DRD2: variants seen among roughly 807,000 people sequenced by gnomAD.
DRD2 encodes dopamine receptor D2.
DRD2 carries 8 observed loss-of-function variants against 38.0 expected under a neutral mutation model. The ratio of observed to expected loss-of-function variants is 0.21; its 90% CI spans 0.12 to 0.38. The LOEUF (loss-of-function observed/expected upper bound fraction) is 0.38, where lower values mean the gene tolerates loss of function less well. Among genes scored for constraint, DRD2 ranks in the 10% least tolerant of loss-of-function variants. The pLI, the probability that DRD2 is intolerant of heterozygous loss-of-function variation, is 1.00. For synonymous variants in DRD2, 230 were observed against 238.6 expected (o/e 0.96, Z 0.33); for missense variants, 403 against 607.7 (o/e 0.66, Z 3.54).
chr11:113,435,336 G>T (rs947629402), intron 1 of DRD2, among the ~76,000 whole-genome samples: 19 of 152,122 alleles, frequency 1.2e-4, no homozygotes, highest in Admixed American at 6.5e-4. Context: ...AGTGTGGGGG[G>T]GGGTGGGGGA....
At chr11:113,433,686 A>G (rs1951010281) in intron 1 of DRD2, among the ~76,000 whole-genome samples, 1 of 152,172 alleles carries the variant, frequency 6.6e-6, no homozygotes, top group Non-Finnish European at 1.5e-5. Flanking sequence ...AACAGCCTGG[A>G]TGAATCTCTC....
chr11:113,468,745 A>G (rs1278655639), intron 1 of DRD2, among the ~76,000 whole-genome samples: 1 of 152,070 alleles, frequency 6.6e-6, no homozygotes, highest in Non-Finnish European at 1.5e-5. Context: ...ATGGGGTTTC[A>G]CTGTGTTGCC....
At chr11:113,462,610 A>T (rs1422905287) in intron 1 of DRD2, among the ~76,000 whole-genome samples, 1 of 152,212 alleles carries the variant, frequency 6.6e-6, no homozygotes, top group Non-Finnish European at 1.5e-5. Flanking sequence ...ATGGCCATGC[A>T]GGAACAGGTA....
rs184122508 is a variant in DRD2 at position 113,414,128 on chromosome 11, T to C, written c.810+247A>G. ...GTTTGAGAAATGTGAATAGCCATTATTATCATTTTTATTACGTTGGTATGG... is the reference window on the plus strand; with the variant it reads ...GTTTGAGAAATGTGAATAGCCATTACTATCATTTTTATTACGTTGGTATGG... On this transcript the variant is annotated intron_variant, in intron 6 of 7. Coordinates refer to ENST00000362072, the MANE Select transcript of DRD2 (RefSeq NM_000795.4). 1.4e-5 allele frequency: 8 copies of C among 559,058 alleles called. No homozygotes were observed. The East Asian group carries it at 2.5e-4, about 17-fold the overall frequency. The allele number at this position is 559,058 out of a possible 1,614,324, so 34.6% of individuals were successfully genotyped here.
At chr11:113,468,737 G>A (rs1320006061) in intron 1 of DRD2, among the ~76,000 whole-genome samples, 1 of 152,098 alleles carries the variant, frequency 6.6e-6, no homozygotes, top group Admixed American at 6.5e-5. Context: ...TAGTAGAGAT[G>A]GGGTTTCACT....
chr11:113,460,741 G>A (rs1217819638), intron 1 of DRD2, among the ~76,000 whole-genome samples: 3 of 152,252 alleles, frequency 2.0e-5, no homozygotes, highest in African/African-American at 7.2e-5. Flanking sequence ...GAGACAGGGT[G>A]TGGGGAGATG....
intron 1 of DRD2, among the ~76,000 whole-genome samples, chr11:113,431,992 G>A (rs1486813321): frequency 6.6e-6 from 1 of 152,182 alleles, no homozygotes; most frequent in Non-Finnish European, 1.5e-5. Context: ...CAGGCCTTCT[G>A]GGGTATAGAT....
chr11:113,438,780 T>C (rs917925541), intron 1 of DRD2, among the ~76,000 whole-genome samples: 1 of 152,218 alleles, frequency 6.6e-6, no homozygotes, highest in Non-Finnish European at 1.5e-5. Flanking sequence ...ATGAGACATC[T>C]CTGCTACTCA....
chr11:113,435,634 C>T (rs559886776), intron 1 of DRD2, among the ~76,000 whole-genome samples: 33 of 150,688 alleles, frequency 2.2e-4, no homozygotes, highest in South Asian at 1.3e-3. Flanking sequence ...TTCCTCCCCC[C>T]GCCCCCCCAC....
chr11:113,433,542 C>G (rs974815097), intron 1 of DRD2, among the ~76,000 whole-genome samples: 1 of 152,162 alleles, frequency 6.6e-6, no homozygotes, highest in African/African-American at 2.4e-5. Context: ...GCCCCTTCTC[C>G]CCCGGCATGG....
intron 1 of DRD2, among the ~76,000 whole-genome samples, chr11:113,451,265 C>T (rs372366454): frequency 1.3e-5 from 2 of 152,270 alleles, no homozygotes; most frequent in African/African-American, 2.4e-5. Context: ...TGTTTGTTTA[C>T]TATTTACCAT....
chr11:113,474,696 G>A (rs1951462896), intron 1 of DRD2, among the ~76,000 whole-genome samples: 1 of 151,982 alleles, frequency 6.6e-6, no homozygotes, highest in African/African-American at 2.4e-5. Flanking sequence ...CTTGGGTGCT[G>A]GGGGAAGTGC....
At position 113,463,478 on chromosome 11, in the gene DRD2, A is replaced by G. The variant is rs985086442; in HGVS notation, c.-32+11598T>C. On this transcript the variant is annotated intron_variant, in intron 1 of 7. Transcript: ENST00000362072. ...CTCTCCAAGTACAATTTTCTCATTC[A>G]TGTGTAGAGTTAGTGTAGGTCCCTT... 2.0e-5 allele frequency among the ~76,000 whole-genome samples: 3 copies of G among 150,110 alleles called. No individual in the cohort carries two copies. In the Admixed American group the frequency reaches 2.0e-4, roughly 10 times the overall value.
At chr11:113,462,197 C>T (rs150343722) in intron 1 of DRD2, among the ~76,000 whole-genome samples, 1 of 152,308 alleles carries the variant, frequency 6.6e-6, no homozygotes, top group Non-Finnish European at 1.5e-5. Flanking sequence ...AACAGTCCTA[C>T]TCTGGAGGAA....
chr11:113,426,254 G>T (rs1950940932), intron 1 of DRD2, among the ~76,000 whole-genome samples: 1 of 152,004 alleles, frequency 6.6e-6, no homozygotes, highest in Non-Finnish European at 1.5e-5. Flanking sequence ...TCTGCGTGGG[G>T]CTCTGGGAGG....
chr11:113,456,984 T>G (rs1456959093), intron 1 of DRD2, among the ~76,000 whole-genome samples: 1 of 152,068 alleles, frequency 6.6e-6, no homozygotes, highest in East Asian at 1.9e-4. Context: ...CAAAAAGGAA[T>G]GAATGGACCC....
At chr11:113,442,542 C>T (rs553723216) in intron 1 of DRD2, among the ~76,000 whole-genome samples, 2 of 152,226 alleles carry the variant, frequency 1.3e-5, no homozygotes, top group East Asian at 3.9e-4. Flanking sequence ...TTCTCACCTC[C>T]CCAGCCCTGC....
chr11:113,440,309 T>C (rs754780054), intron 1 of DRD2, among the ~76,000 whole-genome samples: 3 of 152,218 alleles, frequency 2.0e-5, no homozygotes, highest in Non-Finnish European at 4.4e-5. Flanking sequence ...TTCCAAGCAC[T>C]CCCTCTCTTT....
In DRD2 at chr11:113,415,583, C is replaced by A; in HGVS notation, c.561G>T (p.Pro187=). ...ADQNECIIAN[P]AFVVYSSIVS... Reference sequence around the variant, plus strand: ...CGATGGAGGAGTAGACCACGAAGGCCGGGTTGGCAATGATGCACTCGTTCT... The same window carrying A: ...CGATGGAGGAGTAGACCACGAAGGCAGGGTTGGCAATGATGCACTCGTTCT... Residue 187 remains proline, a synonymous_variant, in exon 5 of 8, where the codon CCG becomes CCT. Transcript: ENST00000362072. The A allele has an allele frequency of 6.2e-7, 1 of 1,613,924 alleles. No individual in the cohort carries two copies. The highest frequency in any genetic ancestry group is 1.1e-5 in the South Asian group (1 of 91,028).
Sources: gnomAD v4.1 joint callset for allele counts (sites outside exome capture counted in the v4.1 genomes callset) on GRCh38, gnomAD v4.1.1 for gene constraint, MANE v1.5 for transcripts, NCBI Gene and HGNC (gene_info 2026-07-23, HGNC 2026-07-21) for gene names.